MYH7B: variants seen among roughly 807,000 people sequenced by gnomAD.
MYH7B encodes myosin heavy chain 7B, also known as myosin-7B.
A neutral mutation model predicts 234.5 loss-of-function variants in MYH7B; 205 were observed. The ratio of observed to expected loss-of-function variants is 0.87; its 90% CI spans 0.78 to 0.98. The LOEUF is 0.98. Among genes scored for constraint, MYH7B ranks in the 50% least tolerant of loss-of-function variants. The pLI is 0.00. For missense variants in MYH7B, 2,652 were observed against 2,633.4 expected, an observed-to-expected ratio of 1.01 and a Z score of -0.15; for synonymous variants, 1,193 against 1,105.0, an observed-to-expected ratio of 1.08 and a Z score of -1.58.
chr20:34,997,114 C>CGGGT lies in MYH7B; in HGVS notation c.3301_3304dup (p.Glu1102GlyfsTer130). On this transcript the variant is annotated frameshift_variant, in exon 31 of 45. Coordinates refer to ENST00000262873, the Ensembl canonical transcript of MYH7B. LOFTEE classifies it high-confidence loss of function. ...CTCCGAGCTGAGCCAGCTGAGCCTG[C>CGGGT]GGGTGGAAGACGAGCAGCTCTTGGG... 4 of 1,545,522 alleles carry CGGGT rather than the reference C, an allele frequency of 2.6e-6. No homozygotes were observed. Among genetic ancestry groups the CGGGT allele is most frequent in the Non-Finnish European group, 3.5e-6 (4 of 1,146,298 alleles).
chr20:34,979,298 C>A, intron 5 of MYH7B, 92 bp from the exon 6 acceptor site: 1 of 992,034 alleles, frequency 1.0e-6, no homozygotes, highest in Non-Finnish European at 1.5e-6. Context: ...GGGAGGGTCA[C>A]AGCTGTATGG....
chr20:34,958,227 T>C lies in MYH7B; in HGVS notation c.-222+15T>C, dbSNP rs1385927298. ...CAATGTGGCAGGTAAGATGTCTTTA[T>C]TCCCATTTTGTAGATGTGGCAGCTG... On this transcript the variant is annotated intron_variant, in intron 2 of 44. Transcript: ENST00000262873. Among the ~76,000 whole-genome samples the C allele has an allele frequency of 1.3e-5, 2 of 152,192 alleles. No individual in the cohort carries two copies. Among genetic ancestry groups the C allele is most frequent in the Admixed American group, 6.5e-5 (1 of 15,280 alleles).
intron 2 of MYH7B, among the ~76,000 whole-genome samples, chr20:34,973,246 A>G (rs2081809261): frequency 6.6e-6 from 1 of 152,190 alleles, no homozygotes; most frequent in African/African-American, 2.4e-5. Context: ...TGCAGGGATT[A>G]TGGGCATAAG....
chr20:34,995,457 C>A, exon 28 of MYH7B: 1 of 1,613,770 alleles, frequency 6.2e-7, no homozygotes. Context: ...GAGGTGAACG[C>A]TGACCTGGCC....
At chr20:34,962,290 G>C (rs2081705292) in intron 2 of MYH7B, among the ~76,000 whole-genome samples, 2 of 152,150 alleles carry the variant, frequency 1.3e-5, no homozygotes. Flanking sequence ...AATGTTTTCT[G>C]TTCTCGTGGG....
Position 34,999,955 on chromosome 20 carries a change from G to A in MYH7B, c.4781+49G>A, listed in dbSNP as rs898138908. 2.0e-6 allele frequency: 3 copies of A among 1,524,902 alleles called. No homozygotes were observed. In the South Asian group the frequency reaches 3.5e-5, roughly 18 times the overall value. The allele number at this position is 1,524,902 out of a possible 1,614,324, so 94.5% of individuals were successfully genotyped here. ...CCACCTCCCGAGAGCAGAAGGGGAG[G>A]GAAGCAGTGTGTACTCTGCTCTCTA... On this transcript the variant is annotated intron_variant, in intron 38 of 44. Transcript: ENST00000262873.
At chr20:34,998,885 T>A in exon 35 of MYH7B, 1 of 1,613,020 alleles carries the variant, frequency 6.2e-7, no homozygotes, top group Non-Finnish European at 8.5e-7. Flanking sequence ...GCAGATGCCA[T>A]CCAGAGGACC....
exon 39 of MYH7B, chr20:35,000,348 C>A: frequency 6.3e-7 from 1 of 1,597,566 alleles, no homozygotes. Context: ...TGCAGAGACA[C>A]GGGCCCGCAA....
At chr20:34,989,891 A>G (rs1473801054) in exon 20 of MYH7B, 1 of 1,613,986 alleles carries the variant, frequency 6.2e-7, no homozygotes, top group East Asian at 2.2e-5. Flanking sequence ...TACCAGGCCC[A>G]CTTCGAGGTG....
chr20:34,997,716 A>T (rs1382061996), intron 32 of MYH7B, 76 bp downstream of exon 32: 1 of 1,550,268 alleles, frequency 6.5e-7, no homozygotes, highest in African/African-American at 1.4e-5. Flanking sequence ...TACTGTTCCC[A>T]CACCAGCCTC....
intron 19 of MYH7B, among the ~76,000 whole-genome samples, chr20:34,988,710 A>C (rs2147201266): frequency 6.6e-6 from 1 of 152,254 alleles, no homozygotes; most frequent in South Asian, 2.1e-4. Context: ...GAAGAAAGAA[A>C]ATTTGAAAAA....
At chr20:35,000,390 G>C (rs201963394) in exon 39 of MYH7B, 1 of 1,599,932 alleles carries the variant, frequency 6.3e-7, no homozygotes. Flanking sequence ...GAAGATGGAG[G>C]GTGACCTCAA....
At chr20:34,988,092 T>A in exon 19 of MYH7B, 1 of 1,612,334 alleles carries the variant, frequency 6.2e-7, no homozygotes, top group Non-Finnish European at 8.5e-7. Flanking sequence ...CCTCTTGTAG[T>A]TCAACAGCTT....
In MYH7B at chr20:34,966,484, G is replaced by A. The variant is rs79344934; in HGVS notation, c.-222+8272G>A. 1.8e-4 allele frequency among the ~76,000 whole-genome samples: 27 copies of A among 152,118 alleles called. No homozygotes were observed. In the East Asian group the frequency reaches 5.2e-3, roughly 29 times the overall value. The stretch of plus-strand genomic sequence containing the variant: ...GTTGCCAGGGGTTAAAGATGGGAGG[G>A]AAGTTAGTGTGGTTCTATAAGGGCA... On this transcript the variant is annotated intron_variant, in intron 2 of 44. Coordinates refer to ENST00000262873, the Ensembl canonical transcript of MYH7B.
Position 35,001,186 on chromosome 20 carries a change from G to A in MYH7B, c.5475+28G>A, listed in dbSNP as rs757787602. 17 of 1,608,292 alleles carry A rather than the reference G, an allele frequency of 1.1e-5. No homozygotes were observed. In the East Asian group the frequency reaches 1.3e-4, roughly 13 times the overall value. ...GTGTGCAGCCCCTCTAGTCCTTGGC[G>A]CAGGCAGGGTGGGTGACCCAGGGGT... is the stretch of plus-strand genomic sequence containing the variant. On this transcript the variant is annotated intron_variant, in intron 41 of 44. Transcript: ENST00000262873.
intron 32 of MYH7B, 102 bp downstream of exon 32, chr20:34,997,742 C>T (rs1249177353): frequency 2.9e-6 from 4 of 1,401,826 alleles, no homozygotes; most frequent in Non-Finnish European, 3.9e-6. Context: ...AGTACCTTAT[C>T]CTGAGCCCTG....
chr20:34,980,269 G>A (rs2081922420), intron 7 of MYH7B: 1 of 347,734 alleles, frequency 2.9e-6, no homozygotes, highest in African/African-American at 2.1e-5. Flanking sequence ...CCTATGGGGG[G>A]AGAATGTGGT....
intron 7 of MYH7B, chr20:34,980,250 A>C: frequency 3.0e-6 from 1 of 338,958 alleles, no homozygotes; most frequent in South Asian, 4.0e-5. Flanking sequence ...TATCCCTCCC[A>C]AAACCCTACC....
chr20:34,973,983 G>A (rs1427262300), intron 2 of MYH7B, among the ~76,000 whole-genome samples: 1 of 149,618 alleles, frequency 6.7e-6, no homozygotes, highest in Non-Finnish European at 1.5e-5. Flanking sequence ...GGAGTGCAGT[G>A]GTGCGATCTC....
Sources: gnomAD v4.1 joint callset for allele counts (sites outside exome capture counted in the v4.1 genomes callset) on GRCh38, gnomAD v4.1.1 for gene constraint, MANE v1.5 for transcripts, NCBI Gene and HGNC (gene_info 2026-07-23, HGNC 2026-07-21) for gene names.